The following DENND4C variants were observed in gnomAD, a reference collection of about 807,000 sequenced individuals.
DENND4C encodes the protein DENN domain containing 4C.
A neutral mutation model predicts 203.0 loss-of-function variants in DENND4C; 108 were observed. The observed-to-expected ratio is 0.53, with a 90% CI of 0.46 to 0.62. The LOEUF (loss-of-function observed/expected upper bound fraction) is 0.62, where lower values mean the gene tolerates loss of function less well. Among genes scored for constraint, DENND4C ranks in the 20% least tolerant of loss-of-function variants. The pLI, the probability that DENND4C is intolerant of heterozygous loss-of-function variation, is 0.00. For synonymous variants in DENND4C, 871 were observed against 792.4 expected (o/e 1.10, Z -1.67); for missense variants, 2,481 against 2,301.2 (o/e 1.08, Z -1.60).
intron 1 of DENND4C, among the ~76,000 whole-genome samples, chr9:19,250,643 C>G (rs1010212308): frequency 4.0e-5 from 6 of 151,186 alleles, no homozygotes; most frequent in Non-Finnish European, 1.5e-5. Context: ...AAGTTAGTTA[C>G]TTCCTGGATT....
Position 19,296,172 on chromosome 9 carries a change from T to C in DENND4C, c.966T>C (p.Phe322=), listed in dbSNP as rs1305460006. The C allele has an allele frequency of 6.2e-7, 1 of 1,614,068 alleles. No homozygotes were observed. The highest frequency in any genetic ancestry group is 8.5e-7 in the Non-Finnish European group (1 of 1,179,986). The change falls in exon 6 of 33, where the codon TTT becomes TTC. Residue 322 remains phenylalanine (F), a synonymous_variant. Coordinates refer to ENST00000434457, the MANE Select transcript of DENND4C (RefSeq NM_001330640.2). ...GTTTACTCTCACACTGGCCTTTTTT[T>C]GAAGCTTTTAGGAAATTTCTTATGT... ...CICLLSHWPF[F]EAFRKFLMFI... is the part of the protein sequence containing the mutation.
chr9:19,309,581 T>G (rs1245367396), intron 10 of DENND4C, among the ~76,000 whole-genome samples: 1 of 152,182 alleles, frequency 6.6e-6, no homozygotes, highest in African/African-American at 2.4e-5. Context: ...ACTTTTTTTT[T>G]GGCAATGTCC....
At chr9:19,231,733 C>G (rs1423251906) in intron 1 of DENND4C, among the ~76,000 whole-genome samples, 1 of 151,910 alleles carries the variant, frequency 6.6e-6, no homozygotes, top group Non-Finnish European at 1.5e-5. Context: ...GGGAAAGTGT[C>G]ATTTCCAGTA....
At chr9:19,279,588 A>T (rs900862262) in intron 2 of DENND4C, among the ~76,000 whole-genome samples, 1 of 152,000 alleles carries the variant, frequency 6.6e-6, no homozygotes, top group Non-Finnish European at 1.5e-5. Context: ...GAGGCAGGAG[A>T]ATCACTTGAA....
chr9:19,301,929 C>G (rs1231059032), intron 9 of DENND4C, among the ~76,000 whole-genome samples: 1 of 152,084 alleles, frequency 6.6e-6, no homozygotes, highest in Non-Finnish European at 1.5e-5. Flanking sequence ...CAGCAAGACT[C>G]CGTCTCAAAA....
intron 8 of DENND4C, 116 bp downstream of exon 8, chr9:19,299,403 T>C (rs1671536998): frequency 2.8e-6 from 2 of 722,838 alleles, no homozygotes; most frequent in Non-Finnish European, 4.0e-6. Flanking sequence ...CAATTAACTT[T>C]ATTAGTTAAA....
chr9:19,313,036 CT>C (rs1488829166), intron 10 of DENND4C, among the ~76,000 whole-genome samples: 1 of 151,658 alleles, frequency 6.6e-6, no homozygotes, highest in African/African-American at 2.4e-5. Flanking sequence ...TTATTTTGTC[CT>C]TTTTGTTCTG....
intron 12 of DENND4C, among the ~76,000 whole-genome samples, chr9:19,322,513 G>T (rs34631598): frequency 8.6e-5 from 13 of 151,860 alleles, no homozygotes; most frequent in African/African-American, 2.9e-4. Flanking sequence ...TGTAATCCCC[G>T]CACTTTCGGA....
At chr9:19,291,083 A>C (rs1472533315) in intron 5 of DENND4C, among the ~76,000 whole-genome samples, 1 of 152,234 alleles carries the variant, frequency 6.6e-6, no homozygotes, top group Non-Finnish European at 1.5e-5. Flanking sequence ...AAGCAAAGAT[A>C]AAGTCTCTCT....
intron 1 of DENND4C, among the ~76,000 whole-genome samples, chr9:19,248,185 C>G (rs907601611): frequency 6.6e-6 from 1 of 152,118 alleles, no homozygotes. Context: ...CCTAAAAGGC[C>G]TTACTTCTTT....
intron 30 of DENND4C, among the ~76,000 whole-genome samples, chr9:19,368,766 C>T (rs977051298): frequency 6.6e-6 from 1 of 150,994 alleles, no homozygotes; most frequent in Non-Finnish European, 1.5e-5. Context: ...CACGACTTCA[C>T]TCCAGCCTGG....
At chr9:19,272,908 C>T (rs532924024) in intron 1 of DENND4C, among the ~76,000 whole-genome samples, 1 of 147,926 alleles carries the variant, frequency 6.8e-6, no homozygotes, top group East Asian at 2.0e-4. Flanking sequence ...GCTGGGATTT[C>T]AGGCACATGC....
intron 32 of DENND4C, 49 bp from the exon 33 acceptor site, chr9:19,371,988 G>T (rs764679108): frequency 6.3e-7 from 1 of 1,578,840 alleles, no homozygotes; most frequent in African/African-American, 1.4e-5. Context: ...ATGAACGGCT[G>T]TTGTCTTTCT....
chr9:19,316,810 C>G lies in DENND4C; in HGVS notation c.1778C>G (p.Thr593Arg). The G allele has an allele frequency of 6.2e-7, 1 of 1,613,604 alleles. No individual in the cohort carries two copies. The highest frequency in any genetic ancestry group is 2.2e-5 in the East Asian group (1 of 44,864). ...ACAGAGGCTCCTTCAAATAAAGCCA[C>G]AGCTGCTGATTCATTGTTTGACCGA... ...PITEAPSNKA[T>R]AADSLFDRQG... Residue 593 changes from threonine (T) to arginine (R), a missense_variant, in exon 12 of 33, where the codon ACA becomes AGA. Thr to Arg is a moderately conservative substitution (Grantham distance 71, BLOSUM62 -1). This residue lies in a region of DENND4C where 2,289 missense variants were observed against 2,113.3 expected (regional missense o/e 1.08). Transcript: ENST00000434457.
chr9:19,271,544 A>G (rs751644263), intron 1 of DENND4C, among the ~76,000 whole-genome samples: 1 of 152,142 alleles, frequency 6.6e-6, no homozygotes, highest in Non-Finnish European at 1.5e-5. Flanking sequence ...CAAAGGACCT[A>G]GTATAGTCAA....
At chr9:19,354,743 G>A (rs1824992853) in intron 26 of DENND4C, among the ~76,000 whole-genome samples, 2 of 151,124 alleles carry the variant, frequency 1.3e-5, no homozygotes, top group Non-Finnish European at 3.0e-5. Flanking sequence ...ATGGGGTTTC[G>A]CCATGTTAGC....
At chr9:19,333,201 G>C (rs550989398) in intron 17 of DENND4C, among the ~76,000 whole-genome samples, 4 of 151,406 alleles carry the variant, frequency 2.6e-5, no homozygotes, top group African/African-American at 9.7e-5. Context: ...ATTTTTTGTA[G>C]AGATGGGGTC....
chr9:19,238,455 TCCCCTCCCCTC>T (rs1822611969), intron 1 of DENND4C, among the ~76,000 whole-genome samples: 1 of 40,542 alleles, frequency 2.5e-5, no homozygotes, highest in South Asian at 1.2e-3. Context: ...TTCCTTCCCC[TCCCCTCCCCTC>T]CCTCTCCCCT....
In DENND4C at chr9:19,268,159, G is replaced by A. The variant is rs139092195; in HGVS notation, c.-17-7999G>A. On this transcript the variant is annotated intron_variant, in intron 1 of 32. Coordinates refer to ENST00000434457, the MANE Select transcript of DENND4C (RefSeq NM_001330640.2). The stretch of plus-strand genomic sequence containing the variant: ...CTGTCGCCCATGCTGGAGTGCAGTG[G>A]CATAATCTCAGCTCACTGTAGCCTC... Among the ~76,000 whole-genome samples the A allele has an allele frequency of 7.9e-5, 12 of 151,812 alleles. No individual in the cohort carries two copies. The East Asian group carries it at 2.3e-3, about 29-fold the overall frequency.
Sources: gnomAD v4.1 joint callset for allele counts (sites outside exome capture counted in the v4.1 genomes callset) on GRCh38, gnomAD v4.1.1 for gene constraint, gnomAD v4.1.1 regional missense constraint, MANE v1.5 for transcripts, NCBI Gene and HGNC (gene_info 2026-07-23, HGNC 2026-07-21) for gene names.